The following PCOLCE2 variants were observed in gnomAD, a reference collection of about 807,000 sequenced individuals.
PCOLCE2 encodes the protein procollagen C-proteinase enhancer 2.
A neutral mutation model predicts 47.0 loss-of-function variants in PCOLCE2; 42 were observed. The ratio of observed to expected loss-of-function variants is 0.89; its 90% CI spans 0.70 to 1.16. The LOEUF (loss-of-function observed/expected upper bound fraction) is 1.16. Ranked by LOEUF, PCOLCE2 falls within the 50% of genes most tolerant of loss-of-function variation. PCOLCE2 has a pLI of 0.00. For missense variants in PCOLCE2, 500 were observed against 526.1 expected (o/e 0.95, Z 0.49); for synonymous variants, 169 against 191.7 (o/e 0.88, Z 0.98).
chr3:142,869,747 G>A (rs1489743620), intron 2 of PCOLCE2, among the ~76,000 whole-genome samples: 1 of 152,160 alleles, frequency 6.6e-6, no homozygotes, highest in Non-Finnish European at 1.5e-5. Flanking sequence ...ATATGGCCTA[G>A]AAGCCCCCAC....
chr3:142,836,158 G>A (rs1937201727), intron 5 of PCOLCE2, among the ~76,000 whole-genome samples: 1 of 152,194 alleles, frequency 6.6e-6, no homozygotes, highest in Non-Finnish European at 1.5e-5. Flanking sequence ...AACCCCAAAT[G>A]TTGGCTGGTT....
intron 6 of PCOLCE2, chr3:142,827,265 C>T: frequency 8.0e-7 from 1 of 1,252,442 alleles, no homozygotes; most frequent in South Asian, 1.2e-5. Context: ...TTCATGGCCA[C>T]ATCCCATACT....
rs1256641663 is a variant in PCOLCE2, at chr3:142,848,327, C to T, written c.338G>A (p.Gly113Glu). The T allele has an allele frequency of 6.8e-6, 11 of 1,614,100 alleles. No individual in the cohort carries two copies. The Admixed American group carries it at 1.0e-4, about 15-fold the overall frequency. Reference sequence around the variant, plus strand: ...CTTGTTGCCACTGGACACAAGGGCTCCAGGCCGGAAAGTGCCACAGAAGCG... The same window carrying T: ...CTTGTTGCCACTGGACACAAGGGCTTCAGGCCGGAAAGTGCCACAGAAGCG... ...IGRFCGTFRPGALVSSGNKMM... is the reference protein window; with the variant it reads ...IGRFCGTFRPEALVSSGNKMM... The change falls in exon 3 of 9, where the codon GGA becomes GAA. Residue 113 changes from glycine (G) to glutamate (E), a missense_variant. Transcript: ENST00000295992.
Position 142,887,649 on chromosome 3 carries a change from C to T in PCOLCE2, c.192+20G>A. 7 of 1,275,222 alleles carry T rather than the reference C, an allele frequency of 5.5e-6. No individual in the cohort carries two copies. Among genetic ancestry groups the T allele is most frequent in the South Asian group, 3.6e-5 (3 of 83,792 alleles). 79.0% of individuals were successfully genotyped at this position (1,275,222 alleles called of 1,614,324 possible). On this transcript the variant is annotated intron_variant, in intron 2 of 8. Transcript: ENST00000295992. The stretch of plus-strand genomic sequence containing the variant: ...GCCAACACCCACTTCCAGGAGAATA[C>T]CTTTTTAAAAAATGCTTACTGTGAT...
chr3:142,821,339 G>A (rs1457279700), intron 7 of PCOLCE2, among the ~76,000 whole-genome samples: 1 of 151,974 alleles, frequency 6.6e-6, no homozygotes, highest in Non-Finnish European at 1.5e-5. Context: ...CCAACTTGTG[G>A]CTTGATTGTC....
intron 5 of PCOLCE2, among the ~76,000 whole-genome samples, 196 bp downstream of exon 5, chr3:142,838,574 T>C (rs1217712367): frequency 6.6e-6 from 1 of 152,116 alleles, no homozygotes; most frequent in Non-Finnish European, 1.5e-5. Context: ...CTGAGCCAAT[T>C]AAACCTCTTT....
intron 7 of PCOLCE2, among the ~76,000 whole-genome samples, chr3:142,822,483 A>G (rs1937026713): frequency 6.6e-6 from 1 of 152,132 alleles, no homozygotes; most frequent in South Asian, 2.1e-4. Flanking sequence ...GCAGTGTGCA[A>G]TGTTCATAAA....
At chr3:142,826,198 G>A (rs1017383577) in intron 6 of PCOLCE2, among the ~76,000 whole-genome samples, 2 of 151,822 alleles carry the variant, frequency 1.3e-5, no homozygotes, top group African/African-American at 4.8e-5. Context: ...TAGTAGAGGC[G>A]GGGTTTCACC....
chr3:142,843,338 T>C (rs768379350), intron 3 of PCOLCE2: 2 of 483,014 alleles, frequency 4.1e-6, no homozygotes, highest in South Asian at 3.1e-5. Context: ...AACATTTGAA[T>C]ATGCACTCAC....
chr3:142,825,295 C>T (rs146880111), intron 6 of PCOLCE2, among the ~76,000 whole-genome samples: 2 of 152,288 alleles, frequency 1.3e-5, no homozygotes, highest in East Asian at 3.9e-4. Context: ...CCTTCTCCTG[C>T]TTTGGTGGGG....
chr3:142,857,156 G>C (rs1933079635), intron 2 of PCOLCE2, among the ~76,000 whole-genome samples: 1 of 152,164 alleles, frequency 6.6e-6, no homozygotes. Flanking sequence ...TGGTGCTTCG[G>C]GTGCCTTACC....
intron 2 of PCOLCE2, among the ~76,000 whole-genome samples, chr3:142,856,205 G>T (rs781598520): frequency 6.6e-6 from 1 of 152,134 alleles, no homozygotes; most frequent in African/African-American, 2.4e-5. Context: ...CCTCACTTTC[G>T]AGTAGACGTA....
intron 2 of PCOLCE2, among the ~76,000 whole-genome samples, chr3:142,862,711 A>C (rs1490019041): frequency 6.6e-6 from 1 of 152,130 alleles, no homozygotes; most frequent in East Asian, 1.9e-4. Context: ...TTAAAATGGA[A>C]CCCAGATCTG....
intron 2 of PCOLCE2, among the ~76,000 whole-genome samples, chr3:142,860,614 G>A (rs1296053023): frequency 6.6e-6 from 1 of 152,094 alleles, no homozygotes; most frequent in Non-Finnish European, 1.5e-5. Context: ...CACCATGTTG[G>A]TCAGGCTGGT....
intron 2 of PCOLCE2, among the ~76,000 whole-genome samples, chr3:142,875,634 C>T (rs1933482701): frequency 6.6e-6 from 1 of 152,120 alleles, no homozygotes; most frequent in South Asian, 2.1e-4. Flanking sequence ...CTGTCTATTC[C>T]AAGGGTGCTC....
At chr3:142,856,049 G>C (rs1414400494) in intron 2 of PCOLCE2, among the ~76,000 whole-genome samples, 1 of 152,150 alleles carries the variant, frequency 6.6e-6, no homozygotes, top group Non-Finnish European at 1.5e-5. Flanking sequence ...TTTGTTGTTT[G>C]GGGTTCCTAC....
rs546419605 is a variant in PCOLCE2, at chr3:142,860,570, A to T, written c.193-12098T>A. Among the ~76,000 whole-genome samples, 3 of 151,962 alleles carry T rather than the reference A, an allele frequency of 2.0e-5. No homozygotes were observed. In the East Asian group the frequency reaches 5.8e-4, roughly 29 times the overall value. The stretch of plus-strand genomic sequence containing the variant: ...ATTACAGGCGCCCACCACCACGCCC[A>T]GCTAATTTTGTACTTTTACTAGAGA... On this transcript the variant is annotated intron_variant, in intron 2 of 8. Coordinates refer to ENST00000295992, the MANE Select transcript of PCOLCE2 (RefSeq NM_013363.4).
At chr3:142,833,169 A>G (rs1937169246) in intron 5 of PCOLCE2, among the ~76,000 whole-genome samples, 1 of 152,100 alleles carries the variant, frequency 6.6e-6, no homozygotes, top group Non-Finnish European at 1.5e-5. Flanking sequence ...GAAAGGGTAC[A>G]GTGTGCATTT....
intron 6 of PCOLCE2, among the ~76,000 whole-genome samples, chr3:142,825,203 GC>G (rs1937061891): frequency 6.6e-6 from 1 of 152,024 alleles, no homozygotes; most frequent in African/African-American, 2.4e-5. Flanking sequence ...GATGGTGAGC[GC>G]CCTTTCCCGG....
Sources: gnomAD v4.1 joint callset for allele counts (sites outside exome capture counted in the v4.1 genomes callset) on GRCh38, gnomAD v4.1.1 for gene constraint, MANE v1.5 for transcripts, NCBI Gene and HGNC (gene_info 2026-07-23, HGNC 2026-07-21) for gene names.